The following WDFY4 variants were observed in gnomAD, a reference collection of about 807,000 sequenced individuals.
The protein encoded by WDFY4 is WD repeat- and FYVE domain-containing protein 4.
WDFY4 carries 169 observed loss-of-function variants against 351.9 expected under a neutral mutation model. That is an observed-to-expected ratio of 0.48 (90% CI 0.42 to 0.55). The LOEUF is 0.55. WDFY4 is among the 20% of genes least tolerant of loss of function. The pLI, the probability that WDFY4 is intolerant of heterozygous loss-of-function variation, is 0.00. For synonymous variants in WDFY4, 1,622 were observed against 1,574.6 expected (o/e 1.03, Z -0.71); for missense variants, 3,803 against 3,935.6 (o/e 0.97, Z 0.90).
intron 39 of WDFY4, among the ~76,000 whole-genome samples, chr10:48,833,288 C>T (rs533821968): frequency 6.6e-6 from 1 of 151,826 alleles, no homozygotes; most frequent in African/African-American, 2.4e-5. Flanking sequence ...CAGTTGGGAT[C>T]GTTGGAAGGC....
At chr10:48,798,219 C>T (rs1039131244) in intron 24 of WDFY4, among the ~76,000 whole-genome samples, 2 of 152,096 alleles carry the variant, frequency 1.3e-5, no homozygotes, top group African/African-American at 2.4e-5. Flanking sequence ...CAACGTCTAA[C>T]TTCTAACTTA....
intron 39 of WDFY4, among the ~76,000 whole-genome samples, chr10:48,851,558 T>C (rs993326125): frequency 1.3e-5 from 2 of 152,248 alleles, no homozygotes; most frequent in Admixed American, 1.3e-4. Flanking sequence ...CCAGGACCCG[T>C]AACTGTCATC....
At chr10:48,837,511 T>C (rs1025116513) in intron 39 of WDFY4, among the ~76,000 whole-genome samples, 4 of 151,798 alleles carry the variant, frequency 2.6e-5, no homozygotes, top group African/African-American at 9.7e-5. Flanking sequence ...AGGTGGGAGA[T>C]AGTGGGGGCT....
At position 48,943,316 on chromosome 10, in the gene WDFY4, G is replaced by C; in HGVS notation, c.7630-14G>C. ...AACGTATTTGGTTTATCCCCTTTCTGTCTCTTCTGGTAGAAAAGGGACATC... is the reference window on the plus strand; with the variant it reads ...AACGTATTTGGTTTATCCCCTTTCTCTCTCTTCTGGTAGAAAAGGGACATC... On this transcript the variant is annotated splice_polypyrimidine_tract_variant and intron_variant, in intron 48 of 61. Coordinates refer to ENST00000325239, the MANE Select transcript of WDFY4 (RefSeq NM_001394531.1). The C allele has an allele frequency of 6.4e-7, 1 of 1,551,328 alleles. No homozygotes were observed. Among genetic ancestry groups the C allele is most frequent in the South Asian group, 1.2e-5 (1 of 84,054 alleles).
rs1000235868 is a variant in WDFY4, at chr10:48,817,135, C to G, written c.5341-110C>G. ...TAATCTGCAGTCTTAAATAATGTATCTTGTTGAAAGTCTCAGGAAGGAATC... is the reference window on the plus strand; with the variant it reads ...TAATCTGCAGTCTTAAATAATGTATGTTGTTGAAAGTCTCAGGAAGGAATC... On this transcript the variant is annotated intron_variant, in intron 31 of 61. Transcript: ENST00000325239. 21 of 1,276,510 alleles carry G rather than the reference C, an allele frequency of 1.6e-5. No individual in the cohort carries two copies. The Admixed American group carries it at 4.9e-4, about 30-fold the overall frequency. The allele number at this position is 1,276,510 out of a possible 1,614,324, so 79.1% of individuals were successfully genotyped here.
intron 6 of WDFY4, 147 bp from the exon 7 acceptor site, chr10:48,727,323 C>T: frequency 2.3e-6 from 2 of 886,470 alleles, no homozygotes; most frequent in Non-Finnish European, 3.3e-6. Context: ...GGTGGTCTTC[C>T]TGATCCAAGA....
At chr10:48,757,731 C>G (rs2065378807) in intron 12 of WDFY4, among the ~76,000 whole-genome samples, 1 of 151,310 alleles carries the variant, frequency 6.6e-6, no homozygotes, top group African/African-American at 2.4e-5. Context: ...TTGAGTTTAT[C>G]TACTGAATTT....
chr10:48,909,039 ATT>A (rs59791662), intron 47 of WDFY4, among the ~76,000 whole-genome samples: 39 of 151,882 alleles, frequency 2.6e-4, no homozygotes, highest in African/African-American at 8.7e-4. Context: ...GGAGATGGGC[ATT>A]TTTTTTTTAA....
intron 1 of WDFY4, among the ~76,000 whole-genome samples, chr10:48,695,139 A>G (rs933852834): frequency 6.6e-6 from 1 of 152,180 alleles, no homozygotes; most frequent in African/African-American, 2.4e-5. Context: ...CTGTGGAGGG[A>G]ATGCTGGCCA....
chr10:48,943,111 T>A (rs1262256560), intron 48 of WDFY4, among the ~76,000 whole-genome samples: 2 of 152,200 alleles, frequency 1.3e-5, no homozygotes, highest in African/African-American at 2.4e-5. Context: ...GGTTTTTTTT[T>A]TTTCCTTGCT....
chr10:48,963,448 A>G (rs995292369), intron 53 of WDFY4, among the ~76,000 whole-genome samples: 1 of 152,010 alleles, frequency 6.6e-6, no homozygotes, highest in Non-Finnish European at 1.5e-5. Flanking sequence ...GCCTCCTGAC[A>G]CTCTCTGGTC....
At chr10:48,701,303 A>C (rs2063473336) in intron 1 of WDFY4, among the ~76,000 whole-genome samples, 1 of 152,200 alleles carries the variant, frequency 6.6e-6, no homozygotes, top group Admixed American at 6.5e-5. Flanking sequence ...CATTGATTAC[A>C]CATTCATCTA....
chr10:48,741,500 G>A (rs1269407616), intron 11 of WDFY4, among the ~76,000 whole-genome samples: 2 of 145,014 alleles, frequency 1.4e-5, no homozygotes, highest in African/African-American at 5.1e-5. Context: ...CAAAGTGCAT[G>A]ACTTCATGTT....
At chr10:48,874,229 A>G (rs1445577064) in intron 41 of WDFY4, among the ~76,000 whole-genome samples, 1 of 152,204 alleles carries the variant, frequency 6.6e-6, no homozygotes, top group Non-Finnish European at 1.5e-5. Flanking sequence ...AAGCAACAGA[A>G]TCTGGGTAGT....
intron 58 of WDFY4, 126 bp from the exon 59 acceptor site, chr10:48,976,671 T>C (rs1842582383): frequency 1.2e-6 from 1 of 864,780 alleles, no homozygotes; most frequent in East Asian, 3.3e-5. Flanking sequence ...AGTTTTGGGG[T>C]ACCTTGGGGG....
intron 23 of WDFY4, among the ~76,000 whole-genome samples, chr10:48,795,093 A>G (rs2066811872): frequency 6.6e-6 from 1 of 152,176 alleles, no homozygotes; most frequent in Non-Finnish European, 1.5e-5. Flanking sequence ...CTCAAAGAGC[A>G]GTGTCCTTGA....
At chr10:48,913,987 G>C (rs772839568) in intron 47 of WDFY4, 13 of 1,614,190 alleles carry the variant, frequency 8.1e-6, no homozygotes, top group Non-Finnish European at 1.1e-5. Flanking sequence ...TTCCGGCTAA[G>C]GTCCAGCTCG....
chr10:48,819,129 C>A (rs1432621508), intron 32 of WDFY4, among the ~76,000 whole-genome samples: 4 of 152,364 alleles, frequency 2.6e-5, no homozygotes, highest in African/African-American at 9.6e-5. Context: ...TCAGCAGTTC[C>A]TGCCCAGGGG....
chr10:48,800,699 T>A (rs1282297856), intron 24 of WDFY4, among the ~76,000 whole-genome samples: 34 of 139,080 alleles, frequency 2.4e-4, no homozygotes, highest in South Asian at 4.6e-4. Context: ...TCTTTCTTTC[T>A]TTCTTTCTTT....
Sources: allele counts gnomAD v4.1 joint callset (sites outside exome capture counted in the v4.1 genomes callset), GRCh38; gene constraint gnomAD v4.1.1; transcripts MANE v1.5; gene names NCBI Gene and HGNC (gene_info 2026-07-23, HGNC 2026-07-21).